The following FGD4 variants were observed in gnomAD, a reference collection of about 807,000 sequenced individuals.
FGD4 encodes the protein FYVE, RhoGEF and PH domain containing 4.
Under a neutral mutation model 102.0 loss-of-function variants are expected in FGD4, and 42 were observed. The ratio of observed to expected loss-of-function variants is 0.41; its 90% CI spans 0.32 to 0.53. FGD4 has a LOEUF of 0.53. FGD4 is among the 20% of genes least tolerant of loss of function. The pLI is 0.21. For synonymous variants in FGD4, 380 were observed against 375.7 expected, an observed-to-expected ratio of 1.01 and a Z score of -0.13; for missense variants, 902 against 1,078.2, an observed-to-expected ratio of 0.84 and a Z score of 2.29.
At chr12:32,480,742 G>T (rs184695684) in intron 1 of FGD4, among the ~76,000 whole-genome samples, 6 of 149,838 alleles carry the variant, frequency 4.0e-5, no homozygotes, top group African/African-American at 9.8e-5. Context: ...CTCGTGATCC[G>T]CCCTCCTTGG....
intron 2 of FGD4, among the ~76,000 whole-genome samples, chr12:32,568,110 A>G (rs1394100082): frequency 6.6e-6 from 1 of 152,228 alleles, no homozygotes; most frequent in Non-Finnish European, 1.5e-5. Flanking sequence ...GTAAGTAAAT[A>G]TTTTTGAAGA....
At chr12:32,439,561 T>C (rs1942356496) in intron 1 of FGD4, among the ~76,000 whole-genome samples, 1 of 152,230 alleles carries the variant, frequency 6.6e-6, no homozygotes, top group African/African-American at 2.4e-5. Context: ...ATAATGGCTA[T>C]ACTAATTTAC....
chr12:32,531,159 C>T (rs1941779088), intron 1 of FGD4, among the ~76,000 whole-genome samples: 1 of 151,748 alleles, frequency 6.6e-6, no homozygotes, highest in Non-Finnish European at 1.5e-5. Flanking sequence ...ACCACGTTGG[C>T]CAGATGGTCT....
chr12:32,546,009 TA>T (rs1444851226), intron 1 of FGD4, among the ~76,000 whole-genome samples: 1 of 152,240 alleles, frequency 6.6e-6, no homozygotes, highest in African/African-American at 2.4e-5. Context: ...AAGTTTTTCT[TA>T]AAATCTGTTT....
chr12:32,509,709 A>T (rs1409073839), intron 1 of FGD4, among the ~76,000 whole-genome samples: 2 of 152,184 alleles, frequency 1.3e-5, no homozygotes, highest in Admixed American at 1.3e-4. Flanking sequence ...TAGAAACAAC[A>T]CAAAGGTGTC....
chr12:32,534,766 T>C (rs915134148), intron 1 of FGD4, among the ~76,000 whole-genome samples: 7 of 152,226 alleles, frequency 4.6e-5, no homozygotes, highest in African/African-American at 1.7e-4. Flanking sequence ...AAGTAAAGTT[T>C]GGAAATTTGG....
In FGD4 at chr12:32,399,847, C is replaced by G. The variant is rs771971265; in HGVS notation, c.54C>G (p.Ser18=). Residue 18 remains serine, a synonymous_variant, in exon 1 of 17, where the codon TCC becomes TCG. Transcript: ENST00000534526. Reference sequence around the variant, plus strand: ...GGCGGGTGGCGATCCGGCGGAAGTCCAACCCCTCCTACCTGCCGCCCGGGG... The same window carrying G: ...GGCGGGTGGCGATCCGGCGGAAGTCGAACCCCTCCTACCTGCCGCCCGGGG... ...NFRRVAIRRK[S]NPSYLPPGVP... 3 of 1,531,712 alleles carry G rather than the reference C, an allele frequency of 2.0e-6. No homozygotes were observed. In the South Asian group the frequency reaches 3.6e-5, roughly 18 times the overall value. The allele number at this position is 1,531,712 out of a possible 1,614,324, so 94.9% of individuals were successfully genotyped here.
At chr12:32,623,352 TA>T (rs1006747393) in intron 11 of FGD4, among the ~76,000 whole-genome samples, 2 of 151,972 alleles carry the variant, frequency 1.3e-5, no homozygotes, top group East Asian at 1.9e-4. Context: ...TTTTTTAATT[TA>T]AAAAAAATTT....
intron 1 of FGD4, among the ~76,000 whole-genome samples, chr12:32,560,874 A>T: frequency 6.6e-6 from 1 of 151,610 alleles, no homozygotes; most frequent in East Asian, 1.9e-4. Context: ...TATTTTTTTT[A>T]AGTAAAGGCA....
chr12:32,633,975 A>C (rs1592490719), intron 15 of FGD4, among the ~76,000 whole-genome samples: 1 of 152,140 alleles, frequency 6.6e-6, no homozygotes, highest in South Asian at 2.1e-4. Context: ...GAGCCAACGC[A>C]CCCCAGCCTA....
At chr12:32,435,542 G>A (rs142151573) in intron 1 of FGD4, among the ~76,000 whole-genome samples, 130 of 145,418 alleles carry the variant, frequency 8.9e-4, no homozygotes, top group African/African-American at 3.2e-3. Flanking sequence ...GTTGGAATTG[G>A]CCTTTTTTTT....
chr12:32,552,784 C>CT (rs71068325), intron 1 of FGD4, among the ~76,000 whole-genome samples: 50,637 of 144,216 alleles, frequency 0.35, 10,958 homozygotes, highest in African/African-American at 0.62. Flanking sequence ...TGGAGTGTAC[C>CT]TTTTTTTTTT....
chr12:32,437,439 G>A (rs1224494717), intron 1 of FGD4, among the ~76,000 whole-genome samples: 3 of 152,198 alleles, frequency 2.0e-5, no homozygotes, highest in South Asian at 2.1e-4. Flanking sequence ...TACGATGAGC[G>A]AGGCGAGGTG....
chr12:32,407,456 C>A (rs1254962252), intron 1 of FGD4, among the ~76,000 whole-genome samples: 2 of 152,150 alleles, frequency 1.3e-5, no homozygotes, highest in Non-Finnish European at 2.9e-5. Flanking sequence ...AGTGCCCAGA[C>A]GATCCTGATG....
chr12:32,626,014 A>C (rs553334601), intron 14 of FGD4, among the ~76,000 whole-genome samples: 1 of 152,236 alleles, frequency 6.6e-6, no homozygotes, highest in South Asian at 2.1e-4. Context: ...AAGAATTTCA[A>C]ATTACTATAG....
chr12:32,473,704 A>T (rs1275333965), intron 1 of FGD4, among the ~76,000 whole-genome samples: 1 of 152,078 alleles, frequency 6.6e-6, no homozygotes, highest in East Asian at 1.9e-4. Context: ...AGCACACGTT[A>T]TTTTCCGTTC....
At chr12:32,472,517 C>T (rs1179161272) in intron 1 of FGD4, among the ~76,000 whole-genome samples, 1 of 152,238 alleles carries the variant, frequency 6.6e-6, no homozygotes, top group African/African-American at 2.4e-5. Context: ...TGGGCCTTGG[C>T]TGCCTTTCCA....
At chr12:32,413,221 A>T (rs1941278522) in intron 1 of FGD4, among the ~76,000 whole-genome samples, 1 of 152,108 alleles carries the variant, frequency 6.6e-6, no homozygotes. Flanking sequence ...TAGCACATGT[A>T]TACCTTTGTA....
At chr12:32,589,244 A>C (rs1051815896) in intron 4 of FGD4, among the ~76,000 whole-genome samples, 1 of 152,238 alleles carries the variant, frequency 6.6e-6, no homozygotes, top group Non-Finnish European at 1.5e-5. Flanking sequence ...AAAGCCTAAT[A>C]TGTCATTTAA....
Sources: gnomAD v4.1 joint callset for allele counts (sites outside exome capture counted in the v4.1 genomes callset) on GRCh38, gnomAD v4.1.1 for gene constraint, MANE v1.5 for transcripts, NCBI Gene and HGNC (gene_info 2026-07-23, HGNC 2026-07-21) for gene names.